Variants in PSMA4 observed in about 807,000 individuals in gnomAD.
The protein encoded by PSMA4 is proteasome 20S subunit alpha 4, also known as proteasome subunit alpha type-4.
A neutral mutation model predicts 37.2 loss-of-function variants in PSMA4; 8 were observed. That is an observed-to-expected ratio of 0.22 (90% CI 0.13 to 0.39). The LOEUF (loss-of-function observed/expected upper bound fraction) is 0.39. Among genes scored for constraint, PSMA4 ranks in the 10% least tolerant of loss-of-function variants. The pLI, the probability that PSMA4 is intolerant of heterozygous loss-of-function variation, is 1.00. For synonymous variants in PSMA4, 93 were observed against 98.8 expected (o/e 0.94, Z 0.35); for missense variants, 169 against 305.1 (o/e 0.55, Z 3.32).
In PSMA4 at chr15:78,546,780, T is replaced by C. The variant is rs1206569350; in HGVS notation, c.631+82T>C. 7 of 1,467,726 alleles carry C rather than the reference T, an allele frequency of 4.8e-6. No homozygotes were observed. In the Admixed American group the frequency reaches 1.6e-4, roughly 34 times the overall value. The allele number at this position is 1,467,726 out of a possible 1,614,324, so 90.9% of individuals were successfully genotyped here. ...TTAAGATTTTTTTCTTTTTTTTTTT[T>C]TTTTGAGATGGAGTCTCGCTCTGTT... On this transcript the variant is annotated intron_variant, in intron 8 of 8. Transcript: ENST00000044462.
chr15:78,548,670 A>G, intron 8 of PSMA4, 120 bp from the exon 9 acceptor site: 1 of 1,321,494 alleles, frequency 7.6e-7, no homozygotes, highest in South Asian at 1.9e-5. Context: ...AAAACATAGG[A>G]GAGTGCTGAA....
chr15:78,548,303 A>G (rs1299613413), intron 8 of PSMA4, among the ~76,000 whole-genome samples: 1 of 152,038 alleles, frequency 6.6e-6, no homozygotes, highest in Non-Finnish European at 1.5e-5. Context: ...ACCCAGTTTC[A>G]AGGAAGCACT....
At chr15:78,542,746 T>G (rs552143023) in intron 4 of PSMA4, 101 bp downstream of exon 4, 2 of 1,170,900 alleles carry the variant, frequency 1.7e-6, no homozygotes, top group South Asian at 3.1e-5. Context: ...TGTGGTAGAA[T>G]TGAAATTGTG....
intron 8 of PSMA4, among the ~76,000 whole-genome samples, chr15:78,547,224 C>G (rs185082185): frequency 6.6e-6 from 1 of 152,340 alleles, no homozygotes; most frequent in Admixed American, 6.5e-5. Flanking sequence ...GAGTCACAAT[C>G]TCACACTGTA....
In PSMA4 at chr15:78,548,772, G is replaced by T. The variant is rs1567039736; in HGVS notation, c.632-18G>T. Reference sequence around the variant, plus strand: ...CTGCCTGCCTGCAATACAAATAAATGTATGTGTTTGTTTTTAGTGGAAATT... The same window carrying T: ...CTGCCTGCCTGCAATACAAATAAATTTATGTGTTTGTTTTTAGTGGAAATT... On this transcript the variant is annotated intron_variant, in intron 8 of 8. Transcript: ENST00000044462. The T allele has an allele frequency of 6.3e-7, 1 of 1,599,560 alleles. No homozygotes were observed. Among genetic ancestry groups the T allele is most frequent in the South Asian group, 1.1e-5 (1 of 87,666 alleles).
Position 78,544,960 on chromosome 15 carries a change from A to G in PSMA4, c.376+3A>G, listed in dbSNP as rs1399993235. The G allele has an allele frequency of 1.3e-6, 2 of 1,591,098 alleles. No homozygotes were observed. Among genetic ancestry groups the G allele is most frequent in the Non-Finnish European group, 1.7e-6 (2 of 1,167,176 alleles). The stretch of plus-strand genomic sequence containing the variant: ...ACAAGCTTATACACAATTTGGAGGT[A>G]TTTAATTTTTTTGAAAATTTTATTC... On this transcript the variant is annotated splice_donor_region_variant and intron_variant, in intron 6 of 8. Transcript: ENST00000044462.
At position 78,546,695 on chromosome 15, in the gene PSMA4, A is replaced by G. The variant is rs1443754683; in HGVS notation, c.628A>G (p.Lys210Glu). ...TMDVSKLSAE[K>E]VEIATLTREN... ...GGATGTTAGTAAACTCTCTGCTGAA[A>G]AAGGTAATTCATATCCTCTCCTTTA... Residue 210 changes from lysine (K) to glutamate (E), a missense_variant, in exon 8 of 9, where the codon AAA becomes GAA. Coordinates refer to ENST00000044462, the MANE Select transcript of PSMA4 (RefSeq NM_002789.6). 1.3e-6 allele frequency: 2 copies of G among 1,597,420 alleles called. No homozygotes were observed. The highest frequency in any genetic ancestry group is 1.7e-6 in the Non-Finnish European group (2 of 1,175,708).
At chr15:78,544,016 C>A in intron 4 of PSMA4, 174 bp from the exon 5 acceptor site, 1 of 540,536 alleles carries the variant, frequency 1.9e-6, no homozygotes, top group Non-Finnish European at 3.3e-6. Flanking sequence ...TGTTGAGTGA[C>A]ATCGAGTAAA....
In PSMA4 at chr15:78,549,649, G is replaced by T. The variant is rs545778432; in HGVS notation, c.*705G>T. 6.6e-6 allele frequency: 1 copy of T among 152,382 alleles called. No homozygotes were observed. Among genetic ancestry groups the T allele is most frequent in the East Asian group, 1.9e-4 (1 of 5,192 alleles). The allele number at this position is 152,382 out of a possible 1,614,324, so 9.4% of individuals were successfully genotyped here. A position where few individuals can be genotyped will look rare whatever the true frequency, so the allele number is the denominator to read the frequency against. On this transcript the variant is annotated 3_prime_UTR_variant, in exon 9 of 9. Coordinates refer to ENST00000044462, the MANE Select transcript of PSMA4 (RefSeq NM_002789.6). ...ATGGTGCTTTAGCATCACCTATGCA[G>T]ATTCTGATGTCCCATCCCAGATCTA... is the stretch of plus-strand genomic sequence containing the variant.
rs1029936244 is a variant in PSMA4 at position 78,551,733 on chromosome 15, C to T, written c.*2789C>T. 9 of 152,096 alleles carry T rather than the reference C, an allele frequency of 5.9e-5. No individual in the cohort carries two copies. Among genetic ancestry groups the T allele is most frequent in the Admixed American group, 5.9e-4 (9 of 15,272 alleles). 9.4% of individuals were successfully genotyped at this position (152,096 alleles called of 1,614,324 possible). On this transcript the variant is annotated 3_prime_UTR_variant, in exon 9 of 9. Coordinates refer to ENST00000044462, the MANE Select transcript of PSMA4 (RefSeq NM_002789.6). ...AAGTACTGATGAATGAATAAATACC[C>T]TGGATATGCTGGTGTGAAATCCTAA...
rs2052646232 is a variant in PSMA4, at chr15:78,551,706, A to G, written c.*2762A>G. On this transcript the variant is annotated 3_prime_UTR_variant, in exon 9 of 9. Coordinates refer to ENST00000044462, the MANE Select transcript of PSMA4 (RefSeq NM_002789.6). ...GAAACTGGCACGTGTTAGGCAACAAATAAGTACTGATGAATGAATAAATAC... is the reference window on the plus strand; with the variant it reads ...GAAACTGGCACGTGTTAGGCAACAAGTAAGTACTGATGAATGAATAAATAC... 1 of 152,052 alleles carries G rather than the reference A, an allele frequency of 6.6e-6. No homozygotes were observed. The highest frequency in any genetic ancestry group is 1.5e-5 in the Non-Finnish European group (1 of 68,028). The allele number at this position is 152,052 out of a possible 1,614,324, so 9.4% of individuals were successfully genotyped here.
Position 78,548,846 on chromosome 15 carries a change from C to CA in PSMA4, c.693dup (p.Glu232ArgfsTer10). On this transcript the variant is annotated frameshift_variant, in exon 9 of 9. Coordinates refer to ENST00000044462, the MANE Select transcript of PSMA4 (RefSeq NM_002789.6). LOFTEE classifies it high-confidence loss of function. ...AAAGACAGTAATCAGAGTTCTCAAACAAAAAGAAGTGGAGCAGTTGATCAA... is the reference window on the plus strand; with the variant it reads ...AAAGACAGTAATCAGAGTTCTCAAACAAAAAAGAAGTGGAGCAGTTGATCAA... The CA allele has an allele frequency of 6.2e-7, 1 of 1,610,606 alleles. No individual in the cohort carries two copies. Among genetic ancestry groups the CA allele is most frequent in the Non-Finnish European group, 8.5e-7 (1 of 1,178,460 alleles).
At chr15:78,547,695 G>T (rs1049085869) in intron 8 of PSMA4, among the ~76,000 whole-genome samples, 3 of 151,740 alleles carry the variant, frequency 2.0e-5, no homozygotes, top group African/African-American at 7.3e-5. Flanking sequence ...AATTAGCTAG[G>T]CATGGTGGTG....
At chr15:78,545,815 C>T in intron 7 of PSMA4, 51 bp downstream of exon 7, 19 of 1,586,404 alleles carry the variant, frequency 1.2e-5, no homozygotes, top group Non-Finnish European at 1.6e-5. Flanking sequence ...TAATAACTGC[C>T]ATAATTTTGC....
At chr15:78,546,801 C>G (rs896757434) in intron 8 of PSMA4, 103 bp downstream of exon 8, 15 of 1,272,460 alleles carry the variant, frequency 1.2e-5, no homozygotes, top group Non-Finnish European at 1.6e-5. Context: ...GAGTCTCGCT[C>G]TGTTGCCAGG....
At chr15:78,542,017 A>G (rs1596041129) in intron 2 of PSMA4, 87 bp downstream of exon 2, 1 of 1,515,516 alleles carries the variant, frequency 6.6e-7, no homozygotes, top group Admixed American at 2.0e-5. Flanking sequence ...GAAAATTGAA[A>G]TAGAAGGAAA....
At chr15:78,546,727 T>G in intron 8 of PSMA4, 29 bp downstream of exon 8, 1 of 1,578,458 alleles carries the variant, frequency 6.3e-7, no homozygotes, top group Non-Finnish European at 8.6e-7. Flanking sequence ...TTTAATTCTT[T>G]CGACTGAGTG....
chr15:78,548,738 T>C, intron 8 of PSMA4, 52 bp from the exon 9 acceptor site: 1 of 1,570,380 alleles, frequency 6.4e-7, no homozygotes, highest in Middle Eastern at 1.7e-4. Context: ...GCTTCTCTGC[T>C]AAGTATGCCT....
In PSMA4 at chr15:78,549,136, C is replaced by T. The variant is rs1487919257; in HGVS notation, c.*192C>T. 19 of 845,046 alleles carry T rather than the reference C, an allele frequency of 2.2e-5. No individual in the cohort carries two copies. Among genetic ancestry groups the T allele is most frequent in the Non-Finnish European group, 2.8e-5 (18 of 639,870 alleles). The allele number at this position is 845,046 out of a possible 1,614,324, so 52.3% of individuals were successfully genotyped here. ...AACGATGATGGTTACCCTTCATGGA[C>T]GTCTTAATCTTCCACACACATCCCC... On this transcript the variant is annotated 3_prime_UTR_variant, in exon 9 of 9. Coordinates refer to ENST00000044462, the MANE Select transcript of PSMA4 (RefSeq NM_002789.6).
Sources: allele counts gnomAD v4.1 joint callset (sites outside exome capture counted in the v4.1 genomes callset), GRCh38; gene constraint gnomAD v4.1.1; transcripts MANE v1.5; gene names NCBI Gene and HGNC (gene_info 2026-07-23, HGNC 2026-07-21).